SH3GL1: variants seen among roughly 807,000 people sequenced by gnomAD.
SH3GL1 encodes the protein SH3 domain containing GRB2 like 1, endophilin A2.
In SH3GL1, 21 loss-of-function variants were observed where a neutral mutation model predicts 48.8. That is an observed-to-expected ratio of 0.43 (90% confidence interval 0.30 to 0.62). SH3GL1 has a LOEUF of 0.62. SH3GL1 is among the 20% of genes least tolerant of loss of function. SH3GL1 has a pLI of 0.11. For synonymous variants in SH3GL1, 282 were observed against 217.5 expected, an observed-to-expected ratio of 1.30 and a Z score of -2.61; for missense variants, 454 against 503.0, an observed-to-expected ratio of 0.90 and a Z score of 0.93.
At chr19:4,396,923 G>A (rs1973436477) in intron 1 of SH3GL1, among the ~76,000 whole-genome samples, 1 of 152,088 alleles carries the variant, frequency 6.6e-6, no homozygotes, top group South Asian at 2.1e-4. Context: ...TGTAAAAGGG[G>A]GAATGTTTTT....
chr19:4,372,775 A>G (rs1972928553), intron 1 of SH3GL1, among the ~76,000 whole-genome samples: 1 of 152,218 alleles, frequency 6.6e-6, no homozygotes, highest in Admixed American at 6.5e-5. Flanking sequence ...CCAGCGACAC[A>G]GGAAGCCACT....
In SH3GL1 at chr19:4,366,580, A is replaced by G; in HGVS notation, c.115-7T>C. On this transcript the variant is annotated splice_region_variant and splice_polypyrimidine_tract_variant and intron_variant, in intron 2 of 9. Coordinates refer to ENST00000269886, the MANE Select transcript of SH3GL1 (RefSeq NM_003025.4). ...TGCTGGTGACATCCACCTTCTGTGAAGAGAAGCAGCATATAAGACTCCACA... is the reference window on the plus strand; with the variant it reads ...TGCTGGTGACATCCACCTTCTGTGAGGAGAAGCAGCATATAAGACTCCACA... 6.2e-7 allele frequency: 1 copy of G among 1,611,476 alleles called. No homozygotes were observed. The highest frequency in any genetic ancestry group is 8.5e-7 in the Non-Finnish European group (1 of 1,179,228).
intron 1 of SH3GL1, among the ~76,000 whole-genome samples, chr19:4,396,254 C>T (rs243411): frequency 0.33 from 49,666 of 151,622 alleles, 8,596 homozygotes; most frequent in East Asian, 0.59. Context: ...AAAAAATTAG[C>T]GGGGCATGGT....
In SH3GL1 at chr19:4,391,001, G is replaced by A. The variant is rs570211620; in HGVS notation, c.45+9323C>T. On this transcript the variant is annotated intron_variant, in intron 1 of 9. Coordinates refer to ENST00000269886, the MANE Select transcript of SH3GL1 (RefSeq NM_003025.4). The stretch of plus-strand genomic sequence containing the variant: ...AATCACGGAGGAGGAAAAGGGCTAA[G>A]GCAGCAGTGAAGGCTTGGCTGTACC... Among the ~76,000 whole-genome samples the A allele has an allele frequency of 3.9e-5, 6 of 152,352 alleles. No individual in the cohort carries two copies. The South Asian group carries it at 1.2e-3, about 32-fold the overall frequency.
In SH3GL1 at chr19:4,360,424, T is replaced by C. The variant is rs1972571635; in HGVS notation, c.*1176A>G. 8.1e-6 allele frequency: 2 copies of C among 247,016 alleles called. No individual in the cohort carries two copies. Among genetic ancestry groups the C allele is most frequent in the Non-Finnish European group, 1.6e-5 (2 of 126,248 alleles). 15.3% of individuals were successfully genotyped at this position (247,016 alleles called of 1,614,324 possible). ...TACAAAATTCAGGCGTACATTTCAG[T>C]TTGCCCTGGACCGTGCCCAAAGCTG... On this transcript the variant is annotated 3_prime_UTR_variant, in exon 10 of 10. Coordinates refer to ENST00000269886, the MANE Select transcript of SH3GL1 (RefSeq NM_003025.4).
rs747516715 is a variant in SH3GL1, at chr19:4,361,796, G to A, written c.911C>T (p.Pro304Leu). Residue 304 changes from proline (P) to leucine (L), a missense_variant and splice_region_variant, in exon 10 of 10, where the codon CCG (proline) becomes CTG (leucine). Pro to Leu is a moderately conservative substitution (Grantham distance 98, BLOSUM62 -3). Coordinates refer to ENST00000269886, the MANE Select transcript of SH3GL1 (RefSeq NM_003025.4). The part of the protein sequence containing the change: ...KPIRTPSRSM[P>L]PLDQPSCKAL... The stretch of plus-strand genomic sequence containing the variant: ...CTTGCAGCTCGGCTGGTCCAGGGGC[G>A]CTGGGGGCGGGAGCGGGCTGTGGGG... 38 of 1,604,344 alleles carry A rather than the reference G, an allele frequency of 2.4e-5. No homozygotes were observed. The highest frequency in any genetic ancestry group is 2.6e-5 in the Non-Finnish European group (31 of 1,178,414).
chr19:4,389,259 G>A lies in SH3GL1; in HGVS notation c.45+11065C>T, dbSNP rs1028416567. Among the ~76,000 whole-genome samples the A allele has an allele frequency of 1.3e-5, 2 of 152,196 alleles. No homozygotes were observed. The highest frequency in any genetic ancestry group is 4.8e-5 in the African/African-American group (2 of 41,446). ...CCGATGGGAGGAGAGCACCTCACAC[G>A]AACACCAGCGTGTGGCATCTGGGTG... On this transcript the variant is annotated intron_variant, in intron 1 of 9. Coordinates refer to ENST00000269886, the MANE Select transcript of SH3GL1 (RefSeq NM_003025.4). The surrounding 1 kb of genome is among the most constrained non-coding windows in gnomAD (Gnocchi z 4.5).
chr19:4,381,012 ACT>A (rs1410820271), intron 1 of SH3GL1, among the ~76,000 whole-genome samples: 4 of 151,256 alleles, frequency 2.6e-5, no homozygotes, highest in South Asian at 2.1e-4. Flanking sequence ...GGAAAAAACA[ACT>A]CTGTTTCCCC....
intron 1 of SH3GL1, among the ~76,000 whole-genome samples, chr19:4,375,679 G>A (rs1972993874): frequency 6.6e-6 from 1 of 152,246 alleles, no homozygotes; most frequent in Admixed American, 6.5e-5. Flanking sequence ...TCAGCCTCAT[G>A]CATCATGCAT....
chr19:4,368,289 C>T (rs868004088), intron 1 of SH3GL1, among the ~76,000 whole-genome samples: 58 of 152,334 alleles, frequency 3.8e-4, no homozygotes, highest in Non-Finnish European at 2.6e-4. Context: ...GGGGGGTGTC[C>T]AGCAGGGCAG....
At chr19:4,383,276 G>A (rs1267547299) in intron 1 of SH3GL1, among the ~76,000 whole-genome samples, 15 of 151,152 alleles carry the variant, frequency 9.9e-5, no homozygotes, top group African/African-American at 2.7e-4. Flanking sequence ...GTGCAGTGGC[G>A]TGATCATGGC....
chr19:4,372,682 C>G (rs552488618), intron 1 of SH3GL1, among the ~76,000 whole-genome samples: 1 of 152,352 alleles, frequency 6.6e-6, no homozygotes, highest in East Asian at 1.9e-4. Flanking sequence ...GCCCAACACA[C>G]ATGGCCACCT....
chr19:4,385,484 C>A (rs1439356721), intron 1 of SH3GL1, among the ~76,000 whole-genome samples: 12 of 152,190 alleles, frequency 7.9e-5, no homozygotes, highest in Admixed American at 7.9e-4. Flanking sequence ...CGAGTGGACT[C>A]CTGGGCTCCA....
Position 4,400,403 on chromosome 19 carries a change from G to A in SH3GL1, c.-35C>T. The A allele has an allele frequency of 6.4e-7, 1 of 1,562,872 alleles. No individual in the cohort carries two copies. Among genetic ancestry groups the A allele is most frequent in the Non-Finnish European group, 8.6e-7 (1 of 1,160,468 alleles). ...CGCCGCCGAGCCTCCCGCCCGGACC[G>A]CGCCAGCGACAGGCTCCCGGGCGCC... is the stretch of plus-strand genomic sequence containing the variant. On this transcript the variant is annotated 5_prime_UTR_variant, in exon 1 of 10. Coordinates refer to ENST00000269886, the MANE Select transcript of SH3GL1 (RefSeq NM_003025.4). The surrounding 1 kb of genome is among the most constrained non-coding windows in gnomAD (Gnocchi z 4.1).
At position 4,365,579 on chromosome 19, in the gene SH3GL1, C is replaced by G; in HGVS notation, c.234G>C (p.Arg78=). 6.2e-7 allele frequency: 1 copy of G among 1,614,116 alleles called. No homozygotes were observed. Among genetic ancestry groups the G allele is most frequent in the Non-Finnish European group, 8.5e-7 (1 of 1,180,038 alleles). Residue 78 remains arginine, a synonymous_variant, in exon 4 of 10, where the codon CGG becomes CGC. Coordinates refer to ENST00000269886, the MANE Select transcript of SH3GL1 (RefSeq NM_003025.4). Reference sequence around the variant, plus strand: ...GGTAGCCGGGGTTCTTCACCTGGCCCCGGATCTTGGACACCGTGTTGAGCA... The same window carrying G: ...GGTAGCCGGGGTTCTTCACCTGGCCGCGGATCTTGGACACCGTGTTGAGCA... ...LTMLNTVSKI[R]GQVKNPGYPQ...
At chr19:4,364,443 ACTT>A (rs1972715357) in intron 4 of SH3GL1, 2 of 570,148 alleles carry the variant, frequency 3.5e-6, no homozygotes, top group East Asian at 3.0e-5. Flanking sequence ...ATCCTTTCCA[ACTT>A]CTTTGAGATG....
In SH3GL1 at chr19:4,389,343, G is replaced by A. The variant is rs1354698946; in HGVS notation, c.45+10981C>T. ...GAACTCAGTTCCCACATGCATCCCC[G>A]GAAGATGCCAAGGATAAGGGGAGAT... On this transcript the variant is annotated intron_variant, in intron 1 of 9. Coordinates refer to ENST00000269886, the MANE Select transcript of SH3GL1 (RefSeq NM_003025.4). The surrounding 1 kb of genome is among the most constrained non-coding windows in gnomAD (Gnocchi z 4.5). Among the ~76,000 whole-genome samples the A allele has an allele frequency of 6.6e-6, 1 of 152,182 alleles. No individual in the cohort carries two copies. The highest frequency in any genetic ancestry group is 1.5e-5 in the Non-Finnish European group (1 of 68,030).
At chr19:4,386,098 A>T (rs1296621751) in intron 1 of SH3GL1, among the ~76,000 whole-genome samples, 3 of 152,206 alleles carry the variant, frequency 2.0e-5, no homozygotes, top group Admixed American at 1.3e-4. Flanking sequence ...GGAAATTCCA[A>T]CCAGGTCCCT....
intron 6 of SH3GL1, 99 bp from the exon 7 acceptor site, chr19:4,363,572 G>T: frequency 1.4e-6 from 2 of 1,446,340 alleles, no homozygotes; most frequent in Non-Finnish European, 9.7e-7. Context: ...GGGGCTGAGA[G>T]GGGACAGGGG....
Sources: allele counts gnomAD v4.1 joint callset (sites outside exome capture counted in the v4.1 genomes callset), GRCh38; gene constraint gnomAD v4.1.1; non-coding constraint Gnocchi (gnomAD v3.1); transcripts MANE v1.5; gene names NCBI Gene and HGNC (gene_info 2026-07-23, HGNC 2026-07-21).